The following ABTB3 variants were observed in gnomAD, a reference collection of about 807,000 sequenced individuals.
ABTB3 encodes the protein ankyrin repeat and BTB domain containing 3.
At chr12:107,331,575 G>C in the ABTB3 span, among the ~76,000 whole-genome samples, 1 of 152,168 alleles carries the variant, frequency 6.6e-6, no homozygotes, top group African/African-American at 2.4e-5. Context: ...CCTCCACCTG[G>C]TGCTGGTGGT....
At chr12:107,450,081 T>C in the ABTB3 span, among the ~76,000 whole-genome samples, 1 of 152,132 alleles carries the variant, frequency 6.6e-6, no homozygotes, top group Non-Finnish European at 1.5e-5. Context: ...GATTAATGTG[T>C]GGTAGCTGGA....
the ABTB3 span, chr12:107,319,471 C>A: frequency 1.2e-6 from 2 of 1,604,396 alleles, no homozygotes; most frequent in Non-Finnish European, 1.7e-6. Flanking sequence ...TGGCCGCGCA[C>A]TGTACGGCGG....
At chr12:107,436,905 T>G in the ABTB3 span, among the ~76,000 whole-genome samples, 2 of 152,164 alleles carry the variant, frequency 1.3e-5, no homozygotes, top group African/African-American at 4.8e-5. Flanking sequence ...CTGGTCTCAT[T>G]TGAGAGCCTG....
At chr12:107,419,714 C>T in the ABTB3 span, among the ~76,000 whole-genome samples, 3 of 152,156 alleles carry the variant, frequency 2.0e-5, no homozygotes, top group Non-Finnish European at 4.4e-5. Flanking sequence ...AGGAAGAATA[C>T]TTAGACCTGG....
the ABTB3 span, among the ~76,000 whole-genome samples, chr12:107,641,391 T>C: frequency 6.6e-6 from 1 of 152,206 alleles, no homozygotes; most frequent in Non-Finnish European, 1.5e-5. Flanking sequence ...ACAGGAACTC[T>C]CTGTATTATC....
chr12:107,396,091 G>A, the ABTB3 span, among the ~76,000 whole-genome samples: 2 of 152,338 alleles, frequency 1.3e-5, no homozygotes, highest in African/African-American at 4.8e-5. Context: ...TTGGCCAAGT[G>A]CAGGACCCAC....
chr12:107,442,632 G>T, the ABTB3 span, among the ~76,000 whole-genome samples: 17 of 152,130 alleles, frequency 1.1e-4, no homozygotes, highest in African/African-American at 4.1e-4. Context: ...ATGGTTCCAG[G>T]ATTAGTGGTA....
the ABTB3 span, among the ~76,000 whole-genome samples, chr12:107,331,479 G>C: frequency 6.6e-6 from 1 of 152,326 alleles, no homozygotes; most frequent in Non-Finnish European, 1.5e-5. Flanking sequence ...GGCGGTGCCT[G>C]CAAGGAGGGG....
chr12:107,335,224 C>T, the ABTB3 span, among the ~76,000 whole-genome samples: 1,180 of 128,932 alleles, frequency 9.2e-3, 7 homozygotes, highest in Admixed American at 0.017. Flanking sequence ...GAGTTTGAGG[C>T]TGCAGTGAGC....
At chr12:107,604,313 G>T in the ABTB3 span, among the ~76,000 whole-genome samples, 1 of 152,116 alleles carries the variant, frequency 6.6e-6, no homozygotes, top group Non-Finnish European at 1.5e-5. Context: ...TGGGCATGCT[G>T]ATGCATGCCT....
chr12:107,330,046 G>A, the ABTB3 span, among the ~76,000 whole-genome samples: 137 of 152,328 alleles, frequency 9.0e-4, no homozygotes, highest in South Asian at 0.028. Context: ...GAATGAGGCT[G>A]AAGCATGGCC....
At chr12:107,364,433 G>A in the ABTB3 span, among the ~76,000 whole-genome samples, 1 of 151,808 alleles carries the variant, frequency 6.6e-6, no homozygotes, top group Admixed American at 6.6e-5. Flanking sequence ...GGAACTACAG[G>A]GCACACACCA....
the ABTB3 span, among the ~76,000 whole-genome samples, chr12:107,602,792 C>T: frequency 4.6e-5 from 7 of 152,222 alleles, no homozygotes; most frequent in Admixed American, 2.0e-4. Context: ...TAACTCCCCG[C>T]CTCGGTGCCG....
chr12:107,586,611 C>T, the ABTB3 span, among the ~76,000 whole-genome samples: 1 of 152,196 alleles, frequency 6.6e-6, no homozygotes, highest in Non-Finnish European at 1.5e-5. Context: ...ATTAGCGCCT[C>T]CCAGAAAACA....
the ABTB3 span, among the ~76,000 whole-genome samples, chr12:107,567,930 G>C: frequency 1.3e-5 from 2 of 152,142 alleles, no homozygotes; most frequent in Non-Finnish European, 2.9e-5. Context: ...ATATCATCTT[G>C]GTTTGTATAA....
At chr12:107,499,075 C>G in the ABTB3 span, among the ~76,000 whole-genome samples, 1 of 152,048 alleles carries the variant, frequency 6.6e-6, no homozygotes, top group Non-Finnish European at 1.5e-5. Context: ...AAGGAGGGAC[C>G]ATTGCCCTCT....
chr12:107,637,786 TTGTGTGTG>T, the ABTB3 span, among the ~76,000 whole-genome samples: 33,638 of 144,558 alleles, frequency 0.23, 4,199 homozygotes, highest in East Asian at 0.3. Context: ...AGCACTGATT[TTGTGTGTG>T]TGTGTGTGTG....
chr12:107,617,536 G>T, the ABTB3 span: 3 of 1,471,692 alleles, frequency 2.0e-6, no homozygotes, highest in Non-Finnish European at 2.7e-6. Context: ...TGGATGTGGG[G>T]CCCAGAGGCA....
At chr12:107,653,186 G>A in the ABTB3 span, among the ~76,000 whole-genome samples, 1 of 152,168 alleles carries the variant, frequency 6.6e-6, no homozygotes, top group East Asian at 1.9e-4. Flanking sequence ...CAGTGACAGT[G>A]CACGTGAATG....
Sources: allele counts gnomAD v4.1 joint callset (sites outside exome capture counted in the v4.1 genomes callset), GRCh38; gene constraint gnomAD v4.1.1; transcripts MANE v1.5; gene names NCBI Gene and HGNC (gene_info 2026-07-23, HGNC 2026-07-21).